Variants in RANBP2 observed in about 807,000 individuals in gnomAD.
The protein encoded by RANBP2 is E3 SUMO-protein ligase RanBP2.
In RANBP2, 57 loss-of-function variants were observed where a neutral mutation model predicts 303.6. The ratio of observed to expected loss-of-function variants is 0.19; its 90% CI spans 0.15 to 0.23. The LOEUF is 0.23. RANBP2 is among the 10% of genes least tolerant of loss of function. RANBP2 has a pLI of 1.00. For missense variants in RANBP2, 3,138 were observed against 3,780.8 expected (o/e 0.83, Z 4.46); for synonymous variants, 1,167 against 1,301.5 (o/e 0.90, Z 2.23).
the RANBP2 span, among the ~76,000 whole-genome samples, chr2:109,095,024 T>C: frequency 1.3e-5 from 2 of 152,212 alleles, no homozygotes; most frequent in South Asian, 4.1e-4. Context: ...TTTAGAAATG[T>C]TCTAAATTAA....
the RANBP2 span, among the ~76,000 whole-genome samples, chr2:109,262,557 A>C: frequency 6.6e-6 from 1 of 152,146 alleles, no homozygotes; most frequent in Non-Finnish European, 1.5e-5. Flanking sequence ...TTCTTGTTTT[A>C]TTATTTTACG....
the RANBP2 span, among the ~76,000 whole-genome samples, chr2:108,829,209 G>A: frequency 6.6e-6 from 1 of 152,038 alleles, no homozygotes; most frequent in Non-Finnish European, 1.5e-5. Flanking sequence ...AGAATGGGAG[G>A]AAATATTAGC....
the RANBP2 span, among the ~76,000 whole-genome samples, chr2:109,156,795 A>AG: frequency 8.0e-3 from 1,224 of 152,300 alleles, 12 homozygotes; most frequent in East Asian, 0.04. Context: ...AGGAGATAGA[A>AG]ACGTAGGCTC....
the RANBP2 span, among the ~76,000 whole-genome samples, chr2:108,997,440 C>CAAAAAAAA: frequency 3.2e-3 from 158 of 49,914 alleles, 27 homozygotes; most frequent in African/African-American, 0.013. Flanking sequence ...GACTCTGTCT[C>CAAAAAAAA]AAAAAAAAAA....
the RANBP2 span, chr2:109,615,068 G>T: frequency 1.3e-6 from 2 of 1,549,394 alleles, no homozygotes; most frequent in Non-Finnish European, 1.7e-6. Context: ...GCTCCCTTGT[G>T]GGGGCTACCG....
chr2:109,641,846 C>T, the RANBP2 span, among the ~76,000 whole-genome samples: 1 of 152,120 alleles, frequency 6.6e-6, no homozygotes, highest in Non-Finnish European at 1.5e-5. Context: ...ACTCTTGTTG[C>T]CCAGGCTGGA....
chr2:109,116,063 AT>A, the RANBP2 span, among the ~76,000 whole-genome samples: 1 of 151,964 alleles, frequency 6.6e-6, no homozygotes, highest in East Asian at 1.9e-4. Flanking sequence ...TGCCCTTAAC[AT>A]TTTTTCCTTC....
At chr2:108,803,739 T>A in the RANBP2 span, among the ~76,000 whole-genome samples, 1 of 152,234 alleles carries the variant, frequency 6.6e-6, no homozygotes. Flanking sequence ...CCCATCACAA[T>A]GTCCTCCCCT....
At chr2:109,239,320 A>G in the RANBP2 span, among the ~76,000 whole-genome samples, 1 of 152,148 alleles carries the variant, frequency 6.6e-6, no homozygotes, top group Non-Finnish European at 1.5e-5. Context: ...CTAGGGGGCT[A>G]TAGGAGTATT....
chr2:109,456,976 A>C, the RANBP2 span, among the ~76,000 whole-genome samples: 2 of 152,204 alleles, frequency 1.3e-5, no homozygotes. Context: ...GAGGAGGAAG[A>C]CACAGTGGAT....
the RANBP2 span, among the ~76,000 whole-genome samples, chr2:109,376,111 G>A: frequency 6.6e-6 from 1 of 152,268 alleles, no homozygotes; most frequent in Non-Finnish European, 1.5e-5. Flanking sequence ...TGGTGGTGGT[G>A]TAAATGTTTG....
the RANBP2 span, among the ~76,000 whole-genome samples, chr2:109,213,540 C>T: frequency 6.6e-6 from 1 of 152,188 alleles, no homozygotes; most frequent in Admixed American, 6.5e-5. Flanking sequence ...CCTCTATCAC[C>T]TAACAGGGGG....
At chr2:108,821,945 A>AG in the RANBP2 span, among the ~76,000 whole-genome samples, 1 of 151,398 alleles carries the variant, frequency 6.6e-6, no homozygotes, top group African/African-American at 2.4e-5. Context: ...AAAAAAAAAA[A>AG]GTATGTCCTT....
intron 17 of RANBP2, among the ~76,000 whole-genome samples, chr2:108,757,973 T>C (rs902600421): frequency 6.6e-5 from 10 of 152,164 alleles, no homozygotes; most frequent in African/African-American, 2.4e-4. Flanking sequence ...ACCAGGTACC[T>C]AGAACTCACT....
chr2:108,968,373 T>C, the RANBP2 span, among the ~76,000 whole-genome samples: 3 of 152,282 alleles, frequency 2.0e-5, no homozygotes, highest in African/African-American at 7.2e-5. Context: ...TATAGAAAAA[T>C]AATTGTACAT....
At chr2:109,554,369 T>G in the RANBP2 span, among the ~76,000 whole-genome samples, 1 of 152,230 alleles carries the variant, frequency 6.6e-6, no homozygotes, top group Admixed American at 6.5e-5. Flanking sequence ...ATACAATACA[T>G]TTTTATGTTA....
the RANBP2 span, among the ~76,000 whole-genome samples, chr2:109,767,227 C>T: frequency 4.8e-5 from 7 of 145,770 alleles, no homozygotes; most frequent in Non-Finnish European, 9.0e-5. Flanking sequence ...ACAGAAAGGC[C>T]GCATAAGGTC....
downstream of RANBP2, among the ~76,000 whole-genome samples, chr2:108,789,453 G>A (rs1226767330): frequency 6.6e-6 from 1 of 152,164 alleles, no homozygotes; most frequent in African/African-American, 2.4e-5. Context: ...AATTAGCCAG[G>A]CTTGGTGGTG....
the RANBP2 span, among the ~76,000 whole-genome samples, chr2:109,534,609 G>A: frequency 2.0e-5 from 3 of 151,948 alleles, no homozygotes; most frequent in African/African-American, 7.3e-5. Flanking sequence ...GAGAAACCCC[G>A]TCTCTACTAA....
Sources: gnomAD v4.1 joint callset for allele counts (sites outside exome capture counted in the v4.1 genomes callset) on GRCh38, gnomAD v4.1.1 for gene constraint, MANE v1.5 for transcripts, NCBI Gene and HGNC (gene_info 2026-07-23, HGNC 2026-07-21) for gene names.